ADGRA3: variants seen among roughly 807,000 people sequenced by gnomAD.
ADGRA3 encodes the protein G-protein coupled receptor 125.
ADGRA3 carries 56 observed loss-of-function variants against 119.8 expected under a neutral mutation model. The ratio of observed to expected loss-of-function variants is 0.47; its 90% CI spans 0.38 to 0.58. The LOEUF (loss-of-function observed/expected upper bound fraction) is 0.58. ADGRA3 is among the 20% of genes least tolerant of loss of function. The probability of loss-of-function intolerance (pLI) is 0.00; values close to 1 mark genes in which losing one functional copy is unlikely to be tolerated. For synonymous variants in ADGRA3, 607 were observed against 623.8 expected (o/e 0.97, Z 0.40); for missense variants, 1,516 against 1,649.0 (o/e 0.92, Z 1.40).
chr4:22,425,433 C>T (rs1008317397), intron 10 of ADGRA3, among the ~76,000 whole-genome samples: 4 of 152,144 alleles, frequency 2.6e-5, no homozygotes, highest in Admixed American at 6.5e-5. Flanking sequence ...TACTATAACT[C>T]ATACGTCTCA....
At chr4:22,441,401 G>A (rs1716606946) in intron 7 of ADGRA3, among the ~76,000 whole-genome samples, 1 of 152,182 alleles carries the variant, frequency 6.6e-6, no homozygotes. Flanking sequence ...AGAATCCAGA[G>A]TCAGAGGTCG....
intron 14 of ADGRA3, among the ~76,000 whole-genome samples, chr4:22,404,540 T>C (rs1032865819): frequency 1.3e-5 from 2 of 152,192 alleles, no homozygotes; most frequent in Non-Finnish European, 2.9e-5. Context: ...TAACTTACAA[T>C]TCACCCATTT....
chr4:22,495,853 G>A (rs536164722), intron 1 of ADGRA3, among the ~76,000 whole-genome samples: 2 of 151,448 alleles, frequency 1.3e-5, no homozygotes, highest in African/African-American at 4.9e-5. Context: ...AGCTTGCAGT[G>A]AACAGAGATC....
At chr4:22,390,165 G>T (rs1714051696) in intron 17 of ADGRA3, among the ~76,000 whole-genome samples, 1 of 151,504 alleles carries the variant, frequency 6.6e-6, no homozygotes, top group Non-Finnish European at 1.5e-5. Flanking sequence ...CTTCTTACCT[G>T]AAAAGAAAGT....
intron 2 of ADGRA3, among the ~76,000 whole-genome samples, chr4:22,471,106 T>G (rs1717845387): frequency 1.3e-5 from 2 of 152,160 alleles, no homozygotes; most frequent in Non-Finnish European, 2.9e-5. Context: ...AGGAATAAAG[T>G]CTGCTCCTCC....
chr4:22,482,848 C>T (rs1328759130), intron 1 of ADGRA3, among the ~76,000 whole-genome samples: 1 of 152,230 alleles, frequency 6.6e-6, no homozygotes, highest in Non-Finnish European at 1.5e-5. Context: ...TCCTACTCAG[C>T]TGTCTTTCTA....
chr4:22,398,780 C>G (rs913324212), intron 16 of ADGRA3, among the ~76,000 whole-genome samples: 4 of 152,172 alleles, frequency 2.6e-5, no homozygotes, highest in African/African-American at 9.7e-5. Flanking sequence ...TTAGTTCACT[C>G]TCTCTGTGCT....
At position 22,420,869 on chromosome 4, in the gene ADGRA3, T is replaced by G. The variant is rs1000282403; in HGVS notation, c.1809+17A>C. The G allele has an allele frequency of 6.2e-7, 1 of 1,604,848 alleles. No homozygotes were observed. Among genetic ancestry groups the G allele is most frequent in the Non-Finnish European group, 8.5e-7 (1 of 1,171,622 alleles). Reference sequence around the variant, plus strand: ...TTAACTGTAAATAGTCTTAAATGATTGCAGAATGTAACATACCTTTAGTGC... The same window carrying G: ...TTAACTGTAAATAGTCTTAAATGATGGCAGAATGTAACATACCTTTAGTGC... On this transcript the variant is annotated intron_variant, in intron 12 of 18. Transcript: ENST00000334304.
intron 8 of ADGRA3, among the ~76,000 whole-genome samples, chr4:22,437,216 T>A (rs1421854215): frequency 6.6e-6 from 1 of 152,232 alleles, no homozygotes; most frequent in Non-Finnish European, 1.5e-5. Context: ...GATCAATACC[T>A]AATCTACATA....
chr4:22,392,622 G>C lies in ADGRA3; in HGVS notation c.2550C>G (p.Ile850Met). The change falls in exon 17 of 19, where the codon ATC (isoleucine) becomes ATG (methionine). Residue 850 changes from isoleucine (I) to methionine (M), a missense_variant. By Grantham distance (10) the Ile-to-Met change is conservative (BLOSUM62 1). Around this residue, in one of 2 missense-constraint regions of ADGRA3, gnomAD observed 1,088 missense variants for 1,107.1 expected, o/e 0.98. Transcript: ENST00000334304. ...TAGCTTTTTTAGTGACTTGTTTGTA[G>C]ATATTTCGAGCTGTCACTCCTACCC... ...VLWVGVTARN[I>M]YKQVTKKAKR... is the part of the protein sequence containing the mutation. The C allele has an allele frequency of 1.2e-6, 2 of 1,613,874 alleles. No homozygotes were observed. Among genetic ancestry groups the C allele is most frequent in the Non-Finnish European group, 1.7e-6 (2 of 1,179,860 alleles).
At chr4:22,447,533 C>T (rs370332427) in intron 4 of ADGRA3, 22 bp from the exon 5 acceptor site, 27 of 1,388,788 alleles carry the variant, frequency 1.9e-5, no homozygotes, top group Admixed American at 8.6e-5. Flanking sequence ...AAAACAATTT[C>T]ACTTTTAAAA....
rs896158642 is a variant in ADGRA3 at position 22,505,105 on chromosome 4, C to G, written c.257+10423G>C. Among the ~76,000 whole-genome samples the G allele has an allele frequency of 7.9e-5, 12 of 152,300 alleles. No individual in the cohort carries two copies. The South Asian group carries it at 8.3e-4, about 11-fold the overall frequency. ...CTTCACCATTTCACTCCAGTGCACA[C>G]ATCATCATTGTCTATCTGTGTCATG... On this transcript the variant is annotated intron_variant, in intron 1 of 18. Transcript: ENST00000334304.
chr4:22,506,686 C>T (rs1027960297), intron 1 of ADGRA3, among the ~76,000 whole-genome samples: 2 of 152,208 alleles, frequency 1.3e-5, no homozygotes, highest in South Asian at 4.2e-4. Flanking sequence ...TCCCACTCTA[C>T]CCGCTACACA....
chr4:22,469,896 G>A (rs1350574529), intron 2 of ADGRA3, among the ~76,000 whole-genome samples: 2 of 152,174 alleles, frequency 1.3e-5, no homozygotes, highest in Non-Finnish European at 2.9e-5. Context: ...CATTCACAGT[G>A]CTGGCACTCC....
intron 1 of ADGRA3, among the ~76,000 whole-genome samples, chr4:22,501,519 T>G (rs1349268534): frequency 1.3e-5 from 2 of 151,992 alleles, no homozygotes; most frequent in Non-Finnish European, 2.9e-5. Context: ...AGAACCTGAA[T>G]GAGTCATGTT....
chr4:22,475,471 G>A (rs1473426671), intron 1 of ADGRA3, among the ~76,000 whole-genome samples: 1 of 152,070 alleles, frequency 6.6e-6, no homozygotes, highest in African/African-American at 2.4e-5. Flanking sequence ...GGCGGCTCAC[G>A]GTTCCCAGCA....
At chr4:22,435,611 A>G (rs909393078) in intron 9 of ADGRA3, 145 bp from the exon 10 acceptor site, 3 of 740,894 alleles carry the variant, frequency 4.0e-6, no homozygotes, top group Admixed American at 3.1e-5. Flanking sequence ...AAAATGCTTT[A>G]CAAACCCAAG....
At position 22,513,143 on chromosome 4, in the gene ADGRA3, CTTTTTTTTTTT is replaced by C. The variant is rs142313161; in HGVS notation, c.257+2374_257+2384del. Reference sequence around the variant, plus strand: ...CCTCTTCAGCCAGAACAACTTTCCTCTTTTTTTTTTTTTTTTTTTGAGATGGAGTTTCATTC... The same window carrying C: ...CCTCTTCAGCCAGAACAACTTTCCTCTTTTTTTTGAGATGGAGTTTCATTC... On this transcript the variant is annotated intron_variant, in intron 1 of 18. Transcript: ENST00000334304. 7.3e-3 allele frequency among the ~76,000 whole-genome samples: 981 copies of C among 133,506 alleles called. 3 individuals are homozygous for C. Among genetic ancestry groups the C allele is most frequent in the Admixed American group, 0.012 (165 of 13,206 alleles). 87.6% of individuals were successfully genotyped at this position (133,506 alleles called of 152,430 possible).
chr4:22,413,503 T>C (rs1253640906), intron 13 of ADGRA3, 98 bp downstream of exon 13: 18 of 1,394,028 alleles, frequency 1.3e-5, no homozygotes, highest in South Asian at 2.4e-5. Flanking sequence ...TAGTGACTCA[T>C]TAAAACGAGA....
Sources: allele counts gnomAD v4.1 joint callset (sites outside exome capture counted in the v4.1 genomes callset), GRCh38; gene constraint gnomAD v4.1.1; regional missense constraint gnomAD v4.1.1; transcripts MANE v1.5; gene names NCBI Gene and HGNC (gene_info 2026-07-23, HGNC 2026-07-21).